Variants in LOC128125822 observed in about 807,000 individuals in gnomAD.
the LOC128125822 span, chr6:63,577,054 A>G: frequency 1.0e-5 from 13 of 1,266,706 alleles, no homozygotes; most frequent in Non-Finnish European, 1.4e-5. Flanking sequence ...AGCTAACAAA[A>G]TAAAAACTAC....
the LOC128125822 span, chr6:63,582,849 C>T: frequency 6.6e-6 from 1 of 152,208 alleles, no homozygotes; most frequent in Admixed American, 6.5e-5. Flanking sequence ...CTCCTATTCC[C>T]ACGCCTTAAC....
chr6:63,572,862 C>A, the LOC128125822 span: 81 of 390,912 alleles, frequency 2.1e-4, 1 homozygote, highest in South Asian at 9.8e-3. Context: ...TGGGAGCGGG[C>A]GGGTTATGGC....
the LOC128125822 span, among the ~76,000 whole-genome samples, chr6:63,577,679 C>G: frequency 6.6e-6 from 1 of 152,106 alleles, no homozygotes; most frequent in African/African-American, 2.4e-5. Context: ...GCCTCAGCCT[C>G]CCAAGTAGCT....
At chr6:63,583,118 A>G in the LOC128125822 span, 1 of 152,206 alleles carries the variant, frequency 6.6e-6, no homozygotes, top group Non-Finnish European at 1.5e-5. Context: ...GCCATGATTA[A>G]GAGAGAATGC....
chr6:63,572,738 G>C, the LOC128125822 span: 2 of 398,336 alleles, frequency 5.0e-6, no homozygotes, highest in South Asian at 1.3e-4. Flanking sequence ...CCGTCGCATC[G>C]TCGCCTCTCG....
chr6:63,580,259 A>T, the LOC128125822 span: 1 of 1,093,230 alleles, frequency 9.1e-7, no homozygotes, highest in Non-Finnish European at 1.4e-6. Flanking sequence ...TTGGCTTAGT[A>T]AGTCTAATGA....
the LOC128125822 span, chr6:63,582,533 A>G: frequency 2.0e-5 from 3 of 152,570 alleles, no homozygotes; most frequent in Non-Finnish European, 2.9e-5. Context: ...TAGATTCCTT[A>G]TATCTAATAA....
the LOC128125822 span, chr6:63,576,968 T>G: frequency 7.4e-6 from 12 of 1,611,184 alleles, no homozygotes; most frequent in African/African-American, 1.3e-5. Flanking sequence ...CAATGCGACC[T>G]TAAACAAATT....
chr6:63,579,314 A>G, the LOC128125822 span: 5 of 1,606,138 alleles, frequency 3.1e-6, no homozygotes, highest in Non-Finnish European at 4.3e-6. Flanking sequence ...ACGAAGATGC[A>G]GTACAATTCA....
At chr6:63,582,909 T>G in the LOC128125822 span, 2 of 152,336 alleles carry the variant, frequency 1.3e-5, no homozygotes, top group African/African-American at 4.8e-5. Flanking sequence ...TCACATTTAA[T>G]CACATCCCCC....
At chr6:63,572,957 G>T in the LOC128125822 span, among the ~76,000 whole-genome samples, 3 of 152,250 alleles carry the variant, frequency 2.0e-5, 1 homozygote, top group South Asian at 4.1e-4. Flanking sequence ...GCCGCCGGAG[G>T]CACCGGCTTT....
the LOC128125822 span, among the ~76,000 whole-genome samples, chr6:63,577,666 C>T: frequency 1.3e-5 from 2 of 152,108 alleles, no homozygotes; most frequent in Non-Finnish European, 2.9e-5. Flanking sequence ...AAGCAATTCT[C>T]CTGCCTCAGC....
the LOC128125822 span, among the ~76,000 whole-genome samples, chr6:63,574,726 T>G: frequency 6.6e-6 from 1 of 152,158 alleles, no homozygotes; most frequent in South Asian, 2.1e-4. Context: ...CTGTGATGAG[T>G]CATTATAAAG....
At chr6:63,578,377 A>C in the LOC128125822 span, 1 of 1,530,388 alleles carries the variant, frequency 6.5e-7, no homozygotes, top group Non-Finnish European at 8.8e-7. Context: ...AGAATATAAA[A>C]TGTTGAGTTA....
At chr6:63,583,510 G>A in the LOC128125822 span, 1 of 152,218 alleles carries the variant, frequency 6.6e-6, no homozygotes, top group Non-Finnish European at 1.5e-5. Flanking sequence ...GTTAACGTAT[G>A]AATGAAAGGA....
At chr6:63,575,910 A>G in the LOC128125822 span, among the ~76,000 whole-genome samples, 1 of 152,140 alleles carries the variant, frequency 6.6e-6, no homozygotes, top group South Asian at 2.1e-4. Context: ...AAGAACTTAG[A>G]TGTTTCAGTT....
chr6:63,580,728 AT>A, the LOC128125822 span: 1,222 of 140,700 alleles, frequency 8.7e-3, 4 homozygotes, highest in East Asian at 0.018. Context: ...TTAACCATTG[AT>A]TTTTTTTTTT....
At chr6:63,578,824 T>C in the LOC128125822 span, 1 of 1,327,910 alleles carries the variant, frequency 7.5e-7, no homozygotes, top group Non-Finnish European at 1.0e-6. Context: ...AACATTTCCA[T>C]GTTAGAAATT....
chr6:63,572,694 A>C, the LOC128125822 span: 1 of 403,132 alleles, frequency 2.5e-6, no homozygotes, highest in Middle Eastern at 6.2e-4. Flanking sequence ...ATTAGGCCAC[A>C]ATCTTCAATG....
Sources: allele counts gnomAD v4.1 joint callset (sites outside exome capture counted in the v4.1 genomes callset), GRCh38; gene constraint gnomAD v4.1.1; transcripts MANE v1.5.